The following SLC35D4 variants were observed in gnomAD, a reference collection of about 807,000 sequenced individuals.
SLC35D4 encodes the protein UDP-N-acetylglucosamine transporter SLC35D4.
At chr18:23,408,615 T>C in the SLC35D4 span, among the ~76,000 whole-genome samples, 1 of 152,158 alleles carries the variant, frequency 6.6e-6, no homozygotes, top group Admixed American at 6.6e-5. Context: ...CCCACACCTG[T>C]CTCTCTGAAA....
the SLC35D4 span, among the ~76,000 whole-genome samples, chr18:23,349,624 A>G: frequency 6.6e-6 from 1 of 152,330 alleles, no homozygotes; most frequent in South Asian, 2.1e-4. Flanking sequence ...GAGCGAGACT[A>G]CGTCTCAAAA....
At chr18:23,384,008 G>GGT in the SLC35D4 span, among the ~76,000 whole-genome samples, 114 of 137,238 alleles carry the variant, frequency 8.3e-4, 4 homozygotes, top group Admixed American at 2.1e-3. Flanking sequence ...AATTGGGGGG[G>GGT]GGGGGTGTGA....
the SLC35D4 span, among the ~76,000 whole-genome samples, chr18:23,421,674 CTTTTTTTTTT>C: frequency 1.5e-5 from 2 of 136,420 alleles, no homozygotes; most frequent in African/African-American, 5.5e-5. Flanking sequence ...TTCTTCTCCT[CTTTTTTTTTT>C]TTTTTTTTTT....
At chr18:23,391,942 C>CT in the SLC35D4 span, among the ~76,000 whole-genome samples, 621 of 144,300 alleles carry the variant, frequency 4.3e-3, 11 homozygotes, top group East Asian at 0.047. Context: ...CTTTCTTCTT[C>CT]TTTTTTTTTT....
At chr18:23,296,352 CTG>C in the SLC35D4 span, 4 of 152,256 alleles carry the variant, frequency 2.6e-5, no homozygotes, top group African/African-American at 4.8e-5. Flanking sequence ...GTTGCCCAGG[CTG>C]GAGTGCAGTG....
At chr18:23,393,434 T>G in the SLC35D4 span, among the ~76,000 whole-genome samples, 5 of 152,144 alleles carry the variant, frequency 3.3e-5, no homozygotes, top group Non-Finnish European at 7.4e-5. Flanking sequence ...CCACCCCTGA[T>G]AGCCACCATA....
chr18:23,251,408 G>A, the SLC35D4 span, among the ~76,000 whole-genome samples: 6 of 151,924 alleles, frequency 3.9e-5, no homozygotes, highest in Non-Finnish European at 5.9e-5. Flanking sequence ...CCGAGATTGC[G>A]CCACTGTACT....
chr18:23,347,846 T>G, the SLC35D4 span, among the ~76,000 whole-genome samples: 1 of 152,200 alleles, frequency 6.6e-6, no homozygotes, highest in Admixed American at 6.5e-5. Context: ...AATTTCCACA[T>G]TAAACTTTAT....
the SLC35D4 span, among the ~76,000 whole-genome samples, chr18:23,333,919 A>C: frequency 2.0e-5 from 3 of 152,014 alleles, no homozygotes; most frequent in Non-Finnish European, 4.4e-5. Context: ...TACTGTAAAA[A>C]TCACCAACTC....
the SLC35D4 span, among the ~76,000 whole-genome samples, chr18:23,379,828 G>A: frequency 1.3e-5 from 2 of 152,102 alleles, no homozygotes; most frequent in South Asian, 4.1e-4. Context: ...AGGGGTGGTG[G>A]CTCATGCCTG....
At chr18:23,311,488 T>C in the SLC35D4 span, among the ~76,000 whole-genome samples, 58 of 152,230 alleles carry the variant, frequency 3.8e-4, 3 homozygotes, top group South Asian at 0.012. Context: ...CTCAATGCAA[T>C]TGTCTGGTCT....
chr18:23,241,284 G>A, the SLC35D4 span, among the ~76,000 whole-genome samples: 1 of 152,072 alleles, frequency 6.6e-6, no homozygotes, highest in Non-Finnish European at 1.5e-5. Context: ...CACTTTGGGA[G>A]GCCGAGGTGG....
At chr18:23,278,436 GTGTCACAC>G in the SLC35D4 span, among the ~76,000 whole-genome samples, 1 of 152,218 alleles carries the variant, frequency 6.6e-6, no homozygotes, top group African/African-American at 2.4e-5. Flanking sequence ...AGTCAGTGTA[GTGTCACAC>G]CAGGAGCAGA....
chr18:23,320,105 A>G, the SLC35D4 span, among the ~76,000 whole-genome samples: 2 of 152,134 alleles, frequency 1.3e-5, no homozygotes, highest in Non-Finnish European at 2.9e-5. Flanking sequence ...CTTCTGCCCA[A>G]TCTCTCTCTC....
At chr18:23,384,978 A>T in the SLC35D4 span, 1 of 1,612,328 alleles carries the variant, frequency 6.2e-7, no homozygotes, top group South Asian at 1.1e-5. Flanking sequence ...AGCATTTTGC[A>T]TGATCGTTTA....
chr18:23,288,491 T>A, the SLC35D4 span, among the ~76,000 whole-genome samples: 1 of 152,188 alleles, frequency 6.6e-6, no homozygotes, highest in Non-Finnish European at 1.5e-5. Context: ...TTTGCCATTC[T>A]ACTACTCCTC....
At chr18:23,254,130 C>G in the SLC35D4 span, among the ~76,000 whole-genome samples, 1 of 152,218 alleles carries the variant, frequency 6.6e-6, no homozygotes, top group Non-Finnish European at 1.5e-5. Context: ...TCTACTTTGA[C>G]AAGACCAAAG....
the SLC35D4 span, among the ~76,000 whole-genome samples, chr18:23,319,095 C>A: frequency 6.6e-6 from 1 of 151,920 alleles, no homozygotes; most frequent in African/African-American, 2.4e-5. Context: ...CCACCCACCT[C>A]GGCCTCCCAG....
the SLC35D4 span, among the ~76,000 whole-genome samples, chr18:23,405,727 C>T: frequency 6.6e-6 from 1 of 152,068 alleles, no homozygotes; most frequent in African/African-American, 2.4e-5. Context: ...AGAGAGAAAG[C>T]CTGTTGCAAT....
Sources: allele counts gnomAD v4.1 joint callset (sites outside exome capture counted in the v4.1 genomes callset), GRCh38; gene constraint gnomAD v4.1.1; transcripts MANE v1.5; gene names NCBI Gene and HGNC (gene_info 2026-07-23, HGNC 2026-07-21).